Variants in DUSP29 observed in about 807,000 individuals in gnomAD.
DUSP29 encodes dual specificity phosphatase 29, also known as atypical dual-specific protein phosphatase.
DUSP29 carries 12 observed loss-of-function variants against 13.5 expected under a neutral mutation model. The ratio of observed to expected loss-of-function variants is 0.89; its 90% CI spans 0.57 to 1.44. The LOEUF is 1.44. Among genes scored for constraint, DUSP29 ranks in the 40% most tolerant of loss-of-function variants. DUSP29 has a pLI of 0.00. For missense variants in DUSP29, 308 were observed against 301.1 expected (o/e 1.02, Z -0.17); for synonymous variants, 134 against 128.7 (o/e 1.04, Z -0.28).
At chr10:75,071,784 A>G (rs80125137) in intron 1 of DUSP29, among the ~76,000 whole-genome samples, 2,433 of 152,234 alleles carry the variant, frequency 0.016, 73 homozygotes, top group African/African-American at 0.055. Flanking sequence ...CCCAAATGTT[A>G]TATTTTCCAA....
At chr10:75,056,415 C>G (rs1235451345) in intron 2 of DUSP29, among the ~76,000 whole-genome samples, 1 of 151,818 alleles carries the variant, frequency 6.6e-6, no homozygotes, top group Admixed American at 6.6e-5. Context: ...GTTACTCTTG[C>G]TACTCAGGAG....
chr10:75,041,977 C>G (rs1846594206), intron 3 of DUSP29, among the ~76,000 whole-genome samples: 1 of 152,178 alleles, frequency 6.6e-6, no homozygotes, highest in African/African-American at 2.4e-5. Flanking sequence ...GTGAGTATAT[C>G]TTACAGTTCA....
At chr10:75,055,639 G>T (rs1047266831) in intron 2 of DUSP29, among the ~76,000 whole-genome samples, 1 of 152,158 alleles carries the variant, frequency 6.6e-6, no homozygotes, top group Non-Finnish European at 1.5e-5. Context: ...CTTTTGAGGT[G>T]ACAAAAATAT....
Position 75,064,306 on chromosome 10 carries a change from G to A in DUSP29, c.-34-5758C>T, listed in dbSNP as rs141802167. ...AGGTGGATCACAGAGTCAAGAGATC[G>A]AGACTATCCTGGCCAACATGGTGAA... On this transcript the variant is annotated intron_variant, in intron 1 of 3. Coordinates refer to ENST00000338487, the MANE Select transcript of DUSP29 (RefSeq NM_001003892.3). 7.0e-3 allele frequency among the ~76,000 whole-genome samples: 1,066 copies of A among 152,194 alleles called. 8 individuals are homozygous for A. The highest frequency in any genetic ancestry group is 0.048 in the Middle Eastern group (14 of 294).
chr10:75,052,561 C>T (rs1412736051), intron 2 of DUSP29, among the ~76,000 whole-genome samples: 1 of 152,200 alleles, frequency 6.6e-6, no homozygotes, highest in African/African-American at 2.4e-5. Flanking sequence ...CCTGCCTCGG[C>T]CTCCCAAAGT....
intron 2 of DUSP29, 99 bp downstream of exon 2, chr10:75,058,216 A>T: frequency 7.1e-7 from 1 of 1,404,614 alleles, no homozygotes; most frequent in Non-Finnish European, 9.6e-7. Flanking sequence ...TCACAGAACG[A>T]CTACAAATTC....
intron 1 of DUSP29, among the ~76,000 whole-genome samples, chr10:75,064,578 T>C (rs1847157437): frequency 6.6e-6 from 1 of 151,892 alleles, no homozygotes; most frequent in Non-Finnish European, 1.5e-5. Context: ...AAACGGGTCT[T>C]GAACTCCTGG....
chr10:75,054,091 AG>A (rs1311288388), intron 2 of DUSP29, among the ~76,000 whole-genome samples: 4 of 152,296 alleles, frequency 2.6e-5, no homozygotes, highest in Admixed American at 6.5e-5. Context: ...GATTGGAGGA[AG>A]CTAGCTTCAT....
intron 1 of DUSP29, among the ~76,000 whole-genome samples, chr10:75,072,536 T>C (rs1333703583): frequency 1.3e-5 from 2 of 151,994 alleles, no homozygotes; most frequent in Admixed American, 1.3e-4. Context: ...TCAGAAGCCC[T>C]TCAAGTGTTG....
chr10:75,048,093 C>T (rs1351809638), intron 2 of DUSP29, among the ~76,000 whole-genome samples: 1 of 152,060 alleles, frequency 6.6e-6, no homozygotes, highest in Non-Finnish European at 1.5e-5. Context: ...TGTTTATGTC[C>T]GTAGGAGACA....
intron 3 of DUSP29, among the ~76,000 whole-genome samples, chr10:75,041,852 A>T (rs1423165759): frequency 6.6e-6 from 1 of 152,078 alleles, no homozygotes; most frequent in Non-Finnish European, 1.5e-5. Context: ...CCTCCTCATA[A>T]TGTTCTGTCA....
At chr10:75,040,461 C>T (rs1046575011) in intron 3 of DUSP29, among the ~76,000 whole-genome samples, 21 of 152,160 alleles carry the variant, frequency 1.4e-4, no homozygotes, top group African/African-American at 4.6e-4. Context: ...GATGCCGAAT[C>T]GGGGGCAGTT....
intron 1 of DUSP29, among the ~76,000 whole-genome samples, chr10:75,070,189 GA>G (rs1364338930): frequency 2.6e-5 from 4 of 152,130 alleles, no homozygotes; most frequent in Non-Finnish European, 5.9e-5. Context: ...CTTTACAGAT[GA>G]AAAAATGAGG....
chr10:75,057,850 G>C (rs921719229), intron 2 of DUSP29, among the ~76,000 whole-genome samples: 1 of 152,154 alleles, frequency 6.6e-6, no homozygotes, highest in Non-Finnish European at 1.5e-5. Flanking sequence ...CATTTCCCAG[G>C]CTCCCTTGCA....
intron 1 of DUSP29, among the ~76,000 whole-genome samples, chr10:75,064,830 GA>G (rs970371378): frequency 6.6e-6 from 1 of 151,072 alleles, no homozygotes; most frequent in African/African-American, 2.4e-5. Context: ...TTTTAACTAG[GA>G]AAAAAATACA....
At chr10:75,062,225 C>T (rs1156275206) in intron 1 of DUSP29, among the ~76,000 whole-genome samples, 2 of 152,196 alleles carry the variant, frequency 1.3e-5, no homozygotes, top group Non-Finnish European at 2.9e-5. Flanking sequence ...TCCATGGCAC[C>T]CACTCTTCTT....
At chr10:75,043,737 C>A in intron 3 of DUSP29, 60 bp downstream of exon 3, 1 of 1,181,172 alleles carries the variant, frequency 8.5e-7, no homozygotes, top group Non-Finnish European at 1.1e-6. Context: ...AAGCTACGGG[C>A]GGGGCGAGTC....
intron 2 of DUSP29, among the ~76,000 whole-genome samples, chr10:75,049,732 G>C (rs546558253): frequency 6.6e-6 from 1 of 152,194 alleles, no homozygotes; most frequent in Non-Finnish European, 1.5e-5. Flanking sequence ...CCTCCTTTTC[G>C]GGGAGAAGGA....
chr10:75,044,044 G>A (rs1281441860), intron 2 of DUSP29, 27 bp from the exon 3 acceptor site: 1 of 1,589,004 alleles, frequency 6.3e-7, no homozygotes, highest in Admixed American at 1.7e-5. Flanking sequence ...GAAATCTGTG[G>A]GCGCGCGGCG....
Sources: allele counts gnomAD v4.1 joint callset (sites outside exome capture counted in the v4.1 genomes callset), GRCh38; gene constraint gnomAD v4.1.1; transcripts MANE v1.5; gene names NCBI Gene and HGNC (gene_info 2026-07-23, HGNC 2026-07-21).